The following GCSAML variants were observed in gnomAD, a reference collection of about 807,000 sequenced individuals.
GCSAML encodes germinal center associated signaling and motility like.
In GCSAML, 9 loss-of-function variants were observed where a neutral mutation model predicts 13.0. The ratio of observed to expected loss-of-function variants is 0.69; its 90% CI spans 0.42 to 1.21. GCSAML has a LOEUF of 1.21. Ranked by LOEUF, GCSAML falls within the 50% of genes most tolerant of loss-of-function variation. GCSAML has a pLI of 0.00. For synonymous variants in GCSAML, 37 were observed against 52.9 expected, an observed-to-expected ratio of 0.70 and a Z score of 1.31; for missense variants, 143 against 153.4, an observed-to-expected ratio of 0.93 and a Z score of 0.36.
rs1252231957 is a variant in GCSAML at position 247,576,299 on chromosome 1, C to G, written c.*1917C>G. The G allele has an allele frequency of 6.6e-6, 1 of 152,172 alleles. No homozygotes were observed. The highest frequency in any genetic ancestry group is 2.4e-5 in the African/African-American group (1 of 41,436). 9.4% of individuals were successfully genotyped at this position (152,172 alleles called of 1,614,324 possible). A position where few individuals can be genotyped will look rare whatever the true frequency, so the allele number is the denominator to read the frequency against. On this transcript the variant is annotated 3_prime_UTR_variant, in exon 5 of 5. Coordinates refer to ENST00000366488, the MANE Select transcript of GCSAML (RefSeq NM_145278.5). ...GCAGTTCATGCCAGTGATCCGAGTA[C>G]TTTGGGAAGCCAAGACAGGTGGATC... is the stretch of plus-strand genomic sequence containing the variant.
rs1668757885 is a variant in GCSAML, at chr1:247,574,451, G to C, written c.*69G>C. Reference sequence around the variant, plus strand: ...CAGAATAGCAGACTCTGGCGAAGTTGTTCACCCTGAGCAGTGCATGAAACA... The same window carrying C: ...CAGAATAGCAGACTCTGGCGAAGTTCTTCACCCTGAGCAGTGCATGAAACA... On this transcript the variant is annotated 3_prime_UTR_variant, in exon 5 of 5. Transcript: ENST00000366488. The C allele has an allele frequency of 6.4e-7, 1 of 1,559,566 alleles. No individual in the cohort carries two copies. Among genetic ancestry groups the C allele is most frequent in the Admixed American group, 1.7e-5 (1 of 58,142 alleles).
At chr1:247,556,534 A>G (rs1667957911) in intron 2 of GCSAML, 68 bp downstream of exon 2, 1 of 1,133,140 alleles carries the variant, frequency 8.8e-7, no homozygotes, top group African/African-American at 1.6e-5. Context: ...GATTACTTCC[A>G]GAGTCTCTGC....
rs1337646163 is a variant in GCSAML at position 247,527,084 on chromosome 1, T to A, written c.-148+30T>A. ...AAATCACATTTCAAGTGTATTTCCT[T>A]GGGTTCTGGAGAGGATGTCTTCATT... On this transcript the variant is annotated intron_variant, in intron 2 of 5. Coordinates refer to the GCSAML transcript ENST00000366489. This position sits in a 1 kb window ranked among gnomAD's most constrained non-coding sequence, Gnocchi z 4.6. The A allele has an allele frequency of 2.8e-5, 13 of 456,524 alleles. No individual in the cohort carries two copies. Among genetic ancestry groups the A allele is most frequent in the Non-Finnish European group, 5.7e-5 (13 of 226,950 alleles). 28.3% of individuals were successfully genotyped at this position (456,524 alleles called of 1,614,324 possible). A position where few individuals can be genotyped will look rare whatever the true frequency, so the allele number is the denominator to read the frequency against.
intron 2 of GCSAML, among the ~76,000 whole-genome samples, chr1:247,540,321 A>G (rs1253036161): frequency 6.6e-6 from 1 of 152,140 alleles, no homozygotes; most frequent in African/African-American, 2.4e-5. Flanking sequence ...TTGAGCCACC[A>G]CGCCCAGCCA....
At chr1:247,558,135 A>G (rs1455154382) in intron 2 of GCSAML, among the ~76,000 whole-genome samples, 1 of 152,236 alleles carries the variant, frequency 6.6e-6, no homozygotes, top group Non-Finnish European at 1.5e-5. Context: ...GACTCATGGA[A>G]TTTTCACTAG....
At chr1:247,523,836 GAATA>G (rs962128147) in intron 1 of GCSAML, among the ~76,000 whole-genome samples, 7 of 151,888 alleles carry the variant, frequency 4.6e-5, no homozygotes, top group Non-Finnish European at 7.4e-5. Flanking sequence ...TAAAATAAAT[GAATA>G]AATATTAATA....
At chr1:247,509,520 C>T (rs547861026) in intron 1 of GCSAML, among the ~76,000 whole-genome samples, 1 of 152,264 alleles carries the variant, frequency 6.6e-6, no homozygotes, top group African/African-American at 2.4e-5. Context: ...TTATCCTGGC[C>T]AGAACTTCCA....
At chr1:247,517,488 T>C (rs186890345) in intron 1 of GCSAML, among the ~76,000 whole-genome samples, 28 of 152,346 alleles carry the variant, frequency 1.8e-4, no homozygotes, top group East Asian at 3.9e-4. Context: ...TTTTAGGAGA[T>C]TGTATCCAGT....
At chr1:247,560,672 T>C (rs1203499028) in intron 2 of GCSAML, among the ~76,000 whole-genome samples, 1 of 152,232 alleles carries the variant, frequency 6.6e-6, no homozygotes, top group Admixed American at 6.5e-5. Context: ...GATGTTTTGA[T>C]ATGTATATAC....
At chr1:247,542,234 C>T (rs1667439563) in intron 2 of GCSAML, among the ~76,000 whole-genome samples, 1 of 152,084 alleles carries the variant, frequency 6.6e-6, no homozygotes, top group Admixed American at 6.6e-5. Flanking sequence ...TCTGATCATG[C>T]CTGGGAATAG....
chr1:247,534,471 G>A (rs1370815816), intron 2 of GCSAML, among the ~76,000 whole-genome samples: 1 of 152,182 alleles, frequency 6.6e-6, no homozygotes, highest in Non-Finnish European at 1.5e-5. Flanking sequence ...TCATGCAGAA[G>A]GGTCTGGACT....
intron 2 of GCSAML, chr1:247,531,835 A>G (rs1306073402): frequency 6.2e-7 from 1 of 1,614,128 alleles, no homozygotes; most frequent in Non-Finnish European, 8.5e-7. Context: ...GATCTTCAAC[A>G]CGGCCCGGGC....
intron 1 of GCSAML, among the ~76,000 whole-genome samples, chr1:247,510,374 T>G (rs1665988623): frequency 6.9e-6 from 1 of 145,092 alleles, no homozygotes; most frequent in Admixed American, 6.7e-5. Flanking sequence ...TTTTTTATTG[T>G]GTCTATTTGA....
At chr1:247,507,254 T>C (rs970671064) in intron 1 of GCSAML, 4 of 152,212 alleles carry the variant, frequency 2.6e-5, no homozygotes, top group African/African-American at 9.6e-5. Context: ...ATTATTCAGC[T>C]GTGTTAGAAG....
At chr1:247,543,938 T>G (rs1667487452) in intron 2 of GCSAML, among the ~76,000 whole-genome samples, 1 of 152,162 alleles carries the variant, frequency 6.6e-6, no homozygotes, top group South Asian at 2.1e-4. Flanking sequence ...TGACTACAAG[T>G]GTGCGTCACC....
At position 247,509,795 on chromosome 1, in the gene GCSAML, T is replaced by C. The variant is rs546287635; in HGVS notation, c.-263+2562T>C. ...TTGTCATTGGTTTTGTTTATGTGATTGATTACGTTTATTGATTTGTGTATG... is the reference window on the plus strand; with the variant it reads ...TTGTCATTGGTTTTGTTTATGTGATCGATTACGTTTATTGATTTGTGTATG... On this transcript the variant is annotated intron_variant, in intron 1 of 5. Transcript: ENST00000366489. 5.9e-5 allele frequency among the ~76,000 whole-genome samples: 9 copies of C among 152,226 alleles called. 1 individual carries two copies. The South Asian group carries it at 1.5e-3, about 25-fold the overall frequency.
At chr1:247,554,665 A>G (rs1400219183) in intron 1 of GCSAML, among the ~76,000 whole-genome samples, 2 of 152,120 alleles carry the variant, frequency 1.3e-5, no homozygotes, top group Non-Finnish European at 2.9e-5. Context: ...TTCCCTCTTT[A>G]ACATAAGGAT....
In GCSAML at chr1:247,574,243, A is replaced by G. The variant is rs759786733; in HGVS notation, c.269A>G (p.Glu90Gly). 2 of 1,614,146 alleles carry G rather than the reference A, an allele frequency of 1.2e-6. No individual in the cohort carries two copies. Among genetic ancestry groups the G allele is most frequent in the Admixed American group, 1.7e-5 (1 of 60,016 alleles). The change falls in exon 5 of 5, where the codon GAG becomes GGG. Residue 90 changes from glutamate to glycine, a missense_variant. Physicochemically the swap from Glu to Gly is moderately conservative, Grantham distance 98. Transcript: ENST00000366488. ...CTGAGCTCCAATGATGATGGCTATG[A>G]GAACATTGACTCCCTCACAAGGAAA... is the stretch of plus-strand genomic sequence containing the variant. ...SSLSSNDDGY[E>G]NIDSLTRKVR... is the part of the protein sequence containing the mutation.
chr1:247,509,137 A>C (rs1665925848), intron 1 of GCSAML, among the ~76,000 whole-genome samples: 1 of 152,186 alleles, frequency 6.6e-6, no homozygotes, highest in African/African-American at 2.4e-5. Flanking sequence ...CCTATCCATG[A>C]GCATGGGATG....
Sources: gnomAD v4.1 joint callset for allele counts (sites outside exome capture counted in the v4.1 genomes callset) on GRCh38, gnomAD v4.1.1 for gene constraint, Gnocchi (gnomAD v3.1) non-coding constraint, MANE v1.5 for transcripts, NCBI Gene and HGNC (gene_info 2026-07-23, HGNC 2026-07-21) for gene names.